The following SFSWAP variants were observed in gnomAD, a reference collection of about 807,000 sequenced individuals.
SFSWAP encodes the protein splicing factor, suppressor of white-apricot homolog.
Under a neutral mutation model 100.7 loss-of-function variants are expected in SFSWAP, and 17 were observed. The observed-to-expected ratio is 0.17, with a 90% CI of 0.12 to 0.25. SFSWAP has a LOEUF of 0.25. Ranked by LOEUF, SFSWAP falls within the 10% of genes least tolerant of loss-of-function variation. The pLI, the probability that SFSWAP is intolerant of heterozygous loss-of-function variation, is 1.00. For missense variants in SFSWAP, 1,005 were observed against 1,262.6 expected (o/e 0.80, Z 3.09); for synonymous variants, 504 against 510.1 (o/e 0.99, Z 0.16).
At chr12:131,783,179 TAAAA>T (rs555914355) in intron 14 of SFSWAP, among the ~76,000 whole-genome samples, 3 of 124,620 alleles carry the variant, frequency 2.4e-5, no homozygotes, top group Admixed American at 8.3e-5. Context: ...AGACTCCGTC[TAAAA>T]AAAAAAAAAA....
intron 7 of SFSWAP, among the ~76,000 whole-genome samples, chr12:131,740,472 T>C (rs561765680): frequency 6.6e-6 from 1 of 152,348 alleles, no homozygotes; most frequent in Non-Finnish European, 1.5e-5. Flanking sequence ...GACTATATTG[T>C]ATACCTTTCA....
Position 131,799,706 on chromosome 12 carries a change from AT to A in SFSWAP, c.*219del, listed in dbSNP as rs1885934604. ...TGTTTCTGTGAAAATGTATTATGAA[AT>A]AAAATGGGAGGAAACACCTTTTCTA... On this transcript the variant is annotated 3_prime_UTR_variant, in exon 18 of 18. Coordinates refer to ENST00000261674, the MANE Select transcript of SFSWAP (RefSeq NM_004592.4). 9.0e-6 allele frequency: 5 copies of A among 553,976 alleles called. No individual in the cohort carries two copies. The East Asian group carries it at 1.6e-4, about 17-fold the overall frequency. 34.3% of individuals were successfully genotyped at this position (553,976 alleles called of 1,614,324 possible).
At chr12:131,738,756 C>T (rs1880287124) in intron 7 of SFSWAP, among the ~76,000 whole-genome samples, 1 of 152,048 alleles carries the variant, frequency 6.6e-6, no homozygotes, top group South Asian at 2.1e-4. Context: ...TCTCTCTCTT[C>T]TAGCTGTAGC....
chr12:131,782,930 C>T (rs908525639), intron 14 of SFSWAP, among the ~76,000 whole-genome samples: 5 of 152,220 alleles, frequency 3.3e-5, no homozygotes, highest in South Asian at 2.1e-4. Flanking sequence ...CCTATAATCC[C>T]GGCTCTTAAG....
At chr12:131,787,500 G>T (rs1039614176) in intron 15 of SFSWAP, among the ~76,000 whole-genome samples, 14 of 152,326 alleles carry the variant, frequency 9.2e-5, no homozygotes, top group African/African-American at 3.1e-4. Context: ...TCCCCATGTG[G>T]AGTTCGTGCA....
At chr12:131,791,709 G>A (rs1489659713) in intron 15 of SFSWAP, among the ~76,000 whole-genome samples, 8 of 152,182 alleles carry the variant, frequency 5.3e-5, no homozygotes, top group African/African-American at 9.7e-5. Flanking sequence ...CCAAGATTGC[G>A]TTCCAGCCCG....
intron 15 of SFSWAP, among the ~76,000 whole-genome samples, chr12:131,788,401 G>A (rs1318856202): frequency 6.6e-6 from 1 of 152,172 alleles, no homozygotes; most frequent in Non-Finnish European, 1.5e-5. Context: ...GTGTTAAACT[G>A]TGATTCACTA....
In SFSWAP at chr12:131,764,952, A is replaced by G. The variant is rs189867534; in HGVS notation, c.1951+266A>G. The stretch of plus-strand genomic sequence containing the variant: ...TTGGCCGTCTTAGCTCTAATGCGCC[A>G]CAGTGGAATGCATTAATGGCAGCTC... On this transcript the variant is annotated intron_variant, in intron 12 of 17. Transcript: ENST00000261674. 1.9e-3 allele frequency among the ~76,000 whole-genome samples: 296 copies of G among 152,348 alleles called. 6 individuals carry two copies. Among genetic ancestry groups the G allele is most frequent in the Admixed American group, 0.018 (273 of 15,296 alleles).
At chr12:131,762,894 C>T (rs570837617) in intron 11 of SFSWAP, among the ~76,000 whole-genome samples, 18 of 152,254 alleles carry the variant, frequency 1.2e-4, no homozygotes, top group African/African-American at 3.4e-4. Context: ...CCACTGCACC[C>T]GGCCAATTTT....
At chr12:131,759,173 G>A (rs1232287283) in intron 11 of SFSWAP, among the ~76,000 whole-genome samples, 4 of 152,146 alleles carry the variant, frequency 2.6e-5, no homozygotes, top group Non-Finnish European at 5.9e-5. Flanking sequence ...AAATTTGAAT[G>A]AATTTGAAAA....
intron 15 of SFSWAP, 175 bp from the exon 16 acceptor site, chr12:131,797,003 A>G (rs1885725308): frequency 1.6e-6 from 1 of 617,696 alleles, no homozygotes; most frequent in African/African-American, 1.8e-5. Context: ...GTCATCTGTT[A>G]TCAGTTAAAT....
intron 13 of SFSWAP, among the ~76,000 whole-genome samples, chr12:131,769,280 A>G (rs181051062): frequency 6.6e-6 from 1 of 152,334 alleles, no homozygotes; most frequent in Non-Finnish European, 1.5e-5. Context: ...GGTTACAGCC[A>G]TGAAAATATG....
intron 7 of SFSWAP, among the ~76,000 whole-genome samples, chr12:131,752,616 G>A (rs570774855): frequency 6.6e-6 from 1 of 152,360 alleles, no homozygotes; most frequent in African/African-American, 2.4e-5. Flanking sequence ...AGGAGCAGCT[G>A]CCTTACTGAG....
At chr12:131,758,881 T>C (rs1375559796) in intron 11 of SFSWAP, among the ~76,000 whole-genome samples, 1 of 152,020 alleles carries the variant, frequency 6.6e-6, no homozygotes, top group East Asian at 1.9e-4. Flanking sequence ...GCCGGGGAGA[T>C]AGAAACCAGC....
chr12:131,725,439 G>A lies in SFSWAP; in HGVS notation c.641G>A (p.Arg214His), dbSNP rs1206172738. 1.9e-6 allele frequency: 3 copies of A among 1,614,004 alleles called. No individual in the cohort carries two copies. In the African/African-American group the frequency reaches 4.0e-5, roughly 22 times the overall value. Residue 214 changes from arginine (R) to histidine (H), a missense_variant, in exon 5 of 18, where the codon CGC (arginine) becomes CAC (histidine). By Grantham distance (29) the Arg-to-His change is conservative (BLOSUM62 0). Coordinates refer to ENST00000261674, the MANE Select transcript of SFSWAP (RefSeq NM_004592.4). This position sits in a 1 kb window ranked among gnomAD's most constrained non-coding sequence, Gnocchi z 4.3. Reference sequence around the variant, plus strand: ...GCTAAAATGCACGCCATCATCGAGCGCACGGCCAGCTTCGTGTGCAGGCAG... The same window carrying A: ...GCTAAAATGCACGCCATCATCGAGCACACGGCCAGCTTCGTGTGCAGGCAG... ...PTAKMHAIIE[R>H]TASFVCRQGA...
At chr12:131,786,045 G>A (rs1229913511) in intron 14 of SFSWAP, 1 of 164,648 alleles carries the variant, frequency 6.1e-6, no homozygotes, top group Non-Finnish European at 1.3e-5. Context: ...GAGCTGAAAT[G>A]TATAGGGAGA....
chr12:131,727,371 G>T (rs1879081476), intron 6 of SFSWAP, among the ~76,000 whole-genome samples: 1 of 152,230 alleles, frequency 6.6e-6, no homozygotes. Flanking sequence ...TGTTGTGCGG[G>T]TGTGGTGGCT....
intron 16 of SFSWAP, among the ~76,000 whole-genome samples, chr12:131,798,665 G>A (rs1250295238): frequency 6.6e-6 from 1 of 152,224 alleles, no homozygotes; most frequent in Non-Finnish European, 1.5e-5. Flanking sequence ...CAAGGCGGGT[G>A]GATCACCTGA....
chr12:131,784,660 C>G (rs1390098603), intron 14 of SFSWAP: 3 of 154,300 alleles, frequency 1.9e-5, no homozygotes, highest in African/African-American at 4.8e-5. Flanking sequence ...ACTCCTGTTT[C>G]TTGCACCATG....
Sources: gnomAD v4.1 joint callset for allele counts (sites outside exome capture counted in the v4.1 genomes callset) on GRCh38, gnomAD v4.1.1 for gene constraint, Gnocchi (gnomAD v3.1) non-coding constraint, MANE v1.5 for transcripts, NCBI Gene and HGNC (gene_info 2026-07-23, HGNC 2026-07-21) for gene names.